ADAMTS17: variants seen among roughly 807,000 people sequenced by gnomAD.
ADAMTS17 encodes A disintegrin and metalloproteinase with thrombospondin motifs 17.
In ADAMTS17, 113 loss-of-function variants were observed where a neutral mutation model predicts 141.5. The observed-to-expected ratio is 0.80, with a 90% CI of 0.69 to 0.93. The LOEUF is 0.93. Ranked by LOEUF, ADAMTS17 falls within the 40% of genes least tolerant of loss-of-function variation. The probability of loss-of-function intolerance (pLI) is 0.00; values close to 1 mark genes in which losing one functional copy is unlikely to be tolerated. For missense variants in ADAMTS17, 1,659 were observed against 1,517.9 expected (o/e 1.09, Z -1.54); for synonymous variants, 768 against 630.6 (o/e 1.22, Z -3.27).
In ADAMTS17 at chr15:100,281,271, C is replaced by T; in HGVS notation, c.747G>A (p.Gly249=). The stretch of plus-strand genomic sequence containing the variant: ...GGATGAACCTCTGGGCGGCCTCGGC[C>T]CCGTGGTACTGCACCATGTCGGCGT... The part of the protein sequence containing the change: ...VADADMVQYH[G]AEAAQRFILT... The change falls in exon 4 of 22, where the codon GGG becomes GGA. Residue 249 remains glycine, a synonymous_variant. Coordinates refer to ENST00000268070, the MANE Select transcript of ADAMTS17 (RefSeq NM_139057.4). The T allele has an allele frequency of 6.2e-7, 1 of 1,607,932 alleles. No individual in the cohort carries two copies.
intron 7 of ADAMTS17, among the ~76,000 whole-genome samples, chr15:100,202,300 G>A (rs1364122579): frequency 2.6e-5 from 4 of 152,232 alleles, no homozygotes; most frequent in Non-Finnish European, 5.9e-5. Context: ...TTTCCAAGGT[G>A]CAGATGATTT....
chr15:100,165,859 C>A (rs1202950126), intron 8 of ADAMTS17, among the ~76,000 whole-genome samples: 2 of 152,158 alleles, frequency 1.3e-5, no homozygotes, highest in Admixed American at 1.3e-4. Context: ...GGAGTAGAAG[C>A]AATGAACCAA....
intron 7 of ADAMTS17, among the ~76,000 whole-genome samples, chr15:100,224,995 A>G (rs977513575): frequency 2.0e-5 from 3 of 152,216 alleles, no homozygotes; most frequent in African/African-American, 7.2e-5. Context: ...TCATGGATCC[A>G]CGAGGCTGCC....
chr15:100,189,738 C>T (rs138027087), intron 8 of ADAMTS17, among the ~76,000 whole-genome samples: 2 of 152,294 alleles, frequency 1.3e-5, no homozygotes, highest in African/African-American at 2.4e-5. Flanking sequence ...CTTGGTATGG[C>T]GATAGTATTA....
chr15:100,258,385 T>C (rs1288383403), intron 6 of ADAMTS17, among the ~76,000 whole-genome samples: 1 of 152,224 alleles, frequency 6.6e-6, no homozygotes, highest in African/African-American at 2.4e-5. Context: ...CACTTGTTAT[T>C]TTCCATTGTT....
chr15:100,330,416 C>A (rs2046015053), intron 3 of ADAMTS17, among the ~76,000 whole-genome samples: 1 of 152,220 alleles, frequency 6.6e-6, no homozygotes, highest in South Asian at 2.1e-4. Context: ...GCATGTCTAA[C>A]AAGTTCCCAC....
In ADAMTS17 at chr15:99,993,229, G is replaced by C. The variant is rs375069335; in HGVS notation, c.2797-29C>G. ...CAAGACACCATTCAAATATTTAACC[G>C]AGTTCCAATTCGATTCAAGTCCATC... On this transcript the variant is annotated intron_variant, in intron 19 of 21. Transcript: ENST00000268070. This position sits in a 1 kb window ranked among gnomAD's most constrained non-coding sequence, Gnocchi z 4.3. 6.2e-7 allele frequency: 1 copy of C among 1,613,778 alleles called. No individual in the cohort carries two copies. The highest frequency in any genetic ancestry group is 8.5e-7 in the Non-Finnish European group (1 of 1,180,026).
intron 3 of ADAMTS17, among the ~76,000 whole-genome samples, chr15:100,287,014 C>A (rs751743422): frequency 5.9e-5 from 9 of 152,102 alleles, no homozygotes; most frequent in Non-Finnish European, 1.2e-4. Context: ...CTGGTTAAAC[C>A]CCGTCTCTAC....
intron 8 of ADAMTS17, among the ~76,000 whole-genome samples, chr15:100,156,828 C>A (rs2039458710): frequency 6.6e-6 from 1 of 152,250 alleles, no homozygotes; most frequent in South Asian, 2.1e-4. Context: ...CAAACACACA[C>A]ACACACATGC....
At chr15:100,093,930 T>C (rs1194406154) in intron 15 of ADAMTS17, among the ~76,000 whole-genome samples, 1 of 152,044 alleles carries the variant, frequency 6.6e-6, no homozygotes, top group East Asian at 1.9e-4. Flanking sequence ...CATTCCAGTA[T>C]GTCAGACCAT....
chr15:100,310,227 G>A (rs550029655), intron 3 of ADAMTS17, among the ~76,000 whole-genome samples: 6 of 152,212 alleles, frequency 3.9e-5, no homozygotes, highest in African/African-American at 1.4e-4. Context: ...ATACCCCCAG[G>A]GACAAAGCAG....
At chr15:100,144,854 A>C (rs78833660) in intron 10 of ADAMTS17, among the ~76,000 whole-genome samples, 6,388 of 151,744 alleles carry the variant, frequency 0.042, 282 homozygotes, top group African/African-American at 0.11. Context: ...ATCTTGAGGC[A>C]GGCAAGCTAT....
chr15:100,154,149 C>A (rs1333623965), intron 9 of ADAMTS17, among the ~76,000 whole-genome samples: 2 of 152,146 alleles, frequency 1.3e-5, no homozygotes, highest in Non-Finnish European at 2.9e-5. Flanking sequence ...CCACTGCACT[C>A]CAGCCTGGGA....
chr15:99,974,379 T>G lies in ADAMTS17; in HGVS notation c.*23A>C. ...GGGTTTCAGACCTGAGTCTGAGCTT[T>G]GAGCGACCCTTGGGACTGCGTGTCA... On this transcript the variant is annotated 3_prime_UTR_variant, in exon 22 of 22. Transcript: ENST00000268070. The G allele has an allele frequency of 6.2e-7, 1 of 1,613,928 alleles. No individual in the cohort carries two copies. The highest frequency in any genetic ancestry group is 2.2e-5 in the East Asian group (1 of 44,882).
chr15:100,207,098 C>G (rs146214426), intron 7 of ADAMTS17, among the ~76,000 whole-genome samples: 2 of 152,282 alleles, frequency 1.3e-5, no homozygotes, highest in Non-Finnish European at 2.9e-5. Flanking sequence ...GAGACAGGGC[C>G]TTCAGGGAGG....
At chr15:100,102,431 CTACATTTGAGGGCCGACCAAAGGGGA>C (rs1308430208) in intron 14 of ADAMTS17, among the ~76,000 whole-genome samples, 31 of 72,402 alleles carry the variant, frequency 4.3e-4, no homozygotes, top group African/African-American at 1.8e-3. Flanking sequence ...CGAAGGGGAT[CTACATTTGAGGGCCGACCAAAGGGGA>C]TCTACATTTG....
At chr15:100,329,843 A>T (rs771718816) in intron 3 of ADAMTS17, among the ~76,000 whole-genome samples, 5 of 152,180 alleles carry the variant, frequency 3.3e-5, no homozygotes, top group African/African-American at 4.8e-5. Flanking sequence ...TCAACTGCAA[A>T]ACTTGTTTAC....
At chr15:100,068,091 C>G (rs191266477) in intron 15 of ADAMTS17, among the ~76,000 whole-genome samples, 1 of 152,162 alleles carries the variant, frequency 6.6e-6, no homozygotes, top group Admixed American at 6.5e-5. Flanking sequence ...GCAAACGGCA[C>G]GCCAGGAGAT....
intron 20 of ADAMTS17, among the ~76,000 whole-genome samples, chr15:99,986,939 G>A (rs2060601079): frequency 6.6e-6 from 1 of 152,208 alleles, no homozygotes; most frequent in Non-Finnish European, 1.5e-5. Flanking sequence ...GCCCTAGGCA[G>A]AGATGGGAAC....
Sources: allele counts gnomAD v4.1 joint callset (sites outside exome capture counted in the v4.1 genomes callset), GRCh38; gene constraint gnomAD v4.1.1; non-coding constraint Gnocchi (gnomAD v3.1); transcripts MANE v1.5; gene names NCBI Gene and HGNC (gene_info 2026-07-23, HGNC 2026-07-21).